NELL1: variants seen among roughly 807,000 people sequenced by gnomAD.
NELL1 encodes the protein protein kinase C-binding protein NELL1.
A neutral mutation model predicts 107.4 loss-of-function variants in NELL1; 76 were observed. The ratio of observed to expected loss-of-function variants is 0.71; its 90% CI spans 0.59 to 0.86. NELL1 has a LOEUF of 0.86. Ranked by LOEUF, NELL1 falls within the 40% of genes least tolerant of loss-of-function variation. NELL1 has a pLI of 0.00. For missense variants in NELL1, 1,024 were observed against 1,005.5 expected (o/e 1.02, Z -0.25); for synonymous variants, 353 against 341.2 (o/e 1.03, Z -0.38).
intron 14 of NELL1, among the ~76,000 whole-genome samples, chr11:21,359,144 G>C (rs1453844503): frequency 1.3e-5 from 2 of 152,022 alleles, no homozygotes; most frequent in Non-Finnish European, 2.9e-5. Flanking sequence ...TTACCTTGAG[G>C]TATGTTCCTT....
chr11:21,498,906 TTTTAA>T (rs1467381765), intron 15 of NELL1, among the ~76,000 whole-genome samples: 10 of 152,066 alleles, frequency 6.6e-5, no homozygotes, highest in Admixed American at 5.9e-4. Flanking sequence ...GTTAAACATC[TTTTAA>T]TTTATTTATT....
rs182421189 is a variant in NELL1 at position 21,108,954 on chromosome 11, C to T, written c.1301-4635C>T. Among the ~76,000 whole-genome samples, 752 of 152,178 alleles carry T rather than the reference C, an allele frequency of 4.9e-3. 18 individuals are homozygous for T. Among genetic ancestry groups the T allele is most frequent in the Admixed American group, 0.036 (556 of 15,268 alleles). ...TCACAGTCATAAACATCAGCTACAG[C>T]GAACATAATCATAGCATCAAAATGT... On this transcript the variant is annotated intron_variant, in intron 12 of 19. Transcript: ENST00000357134.
intron 13 of NELL1, among the ~76,000 whole-genome samples, chr11:21,176,324 G>A (rs1284524693): frequency 6.6e-6 from 1 of 151,804 alleles, no homozygotes; most frequent in East Asian, 1.9e-4. Context: ...AGCTGAAATT[G>A]TTCCCAAGGT....
intron 2 of NELL1, among the ~76,000 whole-genome samples, chr11:20,759,971 A>C (rs1564897361): frequency 6.6e-6 from 1 of 152,184 alleles, no homozygotes; most frequent in Non-Finnish European, 1.5e-5. Context: ...CTCTAAACAT[A>C]GTGGCTCCAA....
At chr11:20,860,309 C>G (rs1330313316) in intron 4 of NELL1, among the ~76,000 whole-genome samples, 5 of 152,150 alleles carry the variant, frequency 3.3e-5, no homozygotes, top group Non-Finnish European at 5.9e-5. Context: ...ATGAGCTCAC[C>G]ATTGTTTCAC....
intron 2 of NELL1, among the ~76,000 whole-genome samples, chr11:20,735,937 C>A (rs1268924283): frequency 6.6e-6 from 1 of 151,916 alleles, no homozygotes; most frequent in Non-Finnish European, 1.5e-5. Flanking sequence ...TTGCTAATTG[C>A]AGGAAGGAAA....
At chr11:20,875,937 G>C (rs536603095) in intron 4 of NELL1, among the ~76,000 whole-genome samples, 1 of 152,202 alleles carries the variant, frequency 6.6e-6, no homozygotes. Flanking sequence ...CAGGTCACAC[G>C]CAGGCTTGAT....
At chr11:21,066,579 A>G (rs1374291401) in intron 12 of NELL1, among the ~76,000 whole-genome samples, 1 of 152,196 alleles carries the variant, frequency 6.6e-6, no homozygotes, top group Non-Finnish European at 1.5e-5. Flanking sequence ...GGTTGCTATC[A>G]TTCATTCAAT....
chr11:20,814,005 T>C (rs996004781), intron 3 of NELL1, among the ~76,000 whole-genome samples: 3 of 151,786 alleles, frequency 2.0e-5, no homozygotes, highest in African/African-American at 7.3e-5. Context: ...ATTTATTTAT[T>C]TTTTTGTAGA....
At chr11:21,209,417 T>C (rs1021635220) in intron 13 of NELL1, among the ~76,000 whole-genome samples, 1 of 151,240 alleles carries the variant, frequency 6.6e-6, no homozygotes, top group African/African-American at 2.4e-5. Flanking sequence ...TAAGGAAATA[T>C]GGCATATACC....
At chr11:21,183,771 T>G (rs1856876450) in intron 13 of NELL1, among the ~76,000 whole-genome samples, 2 of 151,772 alleles carry the variant, frequency 1.3e-5, no homozygotes. Flanking sequence ...TTACTTTATT[T>G]TAATAATGTG....
intron 12 of NELL1, among the ~76,000 whole-genome samples, chr11:21,004,490 G>T (rs780262702): frequency 2.0e-5 from 3 of 152,110 alleles, no homozygotes; most frequent in Non-Finnish European, 4.4e-5. Flanking sequence ...CATATTTAAT[G>T]TTATCTAATG....
intron 17 of NELL1, among the ~76,000 whole-genome samples, chr11:21,566,328 A>G (rs1413588278): frequency 6.6e-6 from 1 of 151,930 alleles, no homozygotes; most frequent in Non-Finnish European, 1.5e-5. Flanking sequence ...TGGAGTAAAT[A>G]TATCAGTATT....
intron 4 of NELL1, among the ~76,000 whole-genome samples, chr11:20,877,426 C>T (rs186546301): frequency 2.1e-4 from 32 of 152,284 alleles, no homozygotes; most frequent in African/African-American, 7.7e-4. Flanking sequence ...TCTTCAAAAA[C>T]CTTCCTTTAT....
intron 15 of NELL1, among the ~76,000 whole-genome samples, chr11:21,489,929 G>A (rs1041715378): frequency 6.6e-6 from 1 of 151,848 alleles, no homozygotes; most frequent in African/African-American, 2.4e-5. Context: ...ATTTATCATA[G>A]TACTGGGAGC....
At chr11:21,010,599 G>A (rs893856634) in intron 12 of NELL1, among the ~76,000 whole-genome samples, 1 of 152,012 alleles carries the variant, frequency 6.6e-6, no homozygotes, top group Non-Finnish European at 1.5e-5. Context: ...AATCAAAGTG[G>A]TAATACTCGC....
intron 13 of NELL1, among the ~76,000 whole-genome samples, chr11:21,202,210 C>T (rs1273426081): frequency 6.6e-6 from 1 of 152,166 alleles, no homozygotes; most frequent in African/African-American, 2.4e-5. Flanking sequence ...GGTACCAGCT[C>T]CTCTTTGTAC....
At position 21,301,782 on chromosome 11, in the gene NELL1, C is replaced by T. The variant is rs554270713; in HGVS notation, c.1550-69071C>T. Among the ~76,000 whole-genome samples the T allele has an allele frequency of 9.9e-5, 15 of 151,514 alleles. No individual in the cohort carries two copies. In the South Asian group the frequency reaches 2.9e-3, roughly 29 times the overall value. Reference sequence around the variant, plus strand: ...CCATTTGTCAAATTTTGCTTTTGTACAAAAGCCAACAGAAGGCAACAAAAC... The same window carrying T: ...CCATTTGTCAAATTTTGCTTTTGTATAAAAGCCAACAGAAGGCAACAAAAC... On this transcript the variant is annotated intron_variant, in intron 14 of 19. Coordinates refer to ENST00000357134, the MANE Select transcript of NELL1 (RefSeq NM_006157.5).
chr11:21,205,666 A>T (rs1857374357), intron 13 of NELL1, among the ~76,000 whole-genome samples: 1 of 152,164 alleles, frequency 6.6e-6, no homozygotes, highest in African/African-American at 2.4e-5. Context: ...GGATATGAAA[A>T]AAGAAACTCC....
Sources: gnomAD v4.1 joint callset for allele counts (sites outside exome capture counted in the v4.1 genomes callset) on GRCh38, gnomAD v4.1.1 for gene constraint, MANE v1.5 for transcripts, NCBI Gene and HGNC (gene_info 2026-07-23, HGNC 2026-07-21) for gene names.